The following CACNA2D3 variants were observed in gnomAD, a reference collection of about 807,000 sequenced individuals.
CACNA2D3 encodes calcium voltage-gated channel auxiliary subunit alpha2delta 3.
Under a neutral mutation model 160.6 loss-of-function variants are expected in CACNA2D3, and 60 were observed. The observed-to-expected ratio is 0.37, with a 90% confidence interval of 0.30 to 0.46. CACNA2D3 has a LOEUF of 0.46. CACNA2D3 is among the 20% of genes least tolerant of loss of function. The pLI, the probability that CACNA2D3 is intolerant of heterozygous loss-of-function variation, is 1.00. For missense variants in CACNA2D3, 1,205 were observed against 1,365.0 expected, an observed-to-expected ratio of 0.88 and a Z score of 1.85; for synonymous variants, 558 against 492.9, an observed-to-expected ratio of 1.13 and a Z score of -1.75.
intron 27 of CACNA2D3, among the ~76,000 whole-genome samples, chr3:54,957,600 T>C (rs1161008328): frequency 1.3e-5 from 2 of 152,076 alleles, no homozygotes. Context: ...GTCTGGTGTG[T>C]GTGTTAGGGA....
intron 2 of CACNA2D3, among the ~76,000 whole-genome samples, chr3:54,304,295 C>T (rs949799548): frequency 1.8e-4 from 28 of 152,280 alleles, no homozygotes; most frequent in South Asian, 1.7e-3. Flanking sequence ...TTATTGTCTT[C>T]ACTACACCCA....
At chr3:54,813,371 C>T (rs946616540) in intron 13 of CACNA2D3, among the ~76,000 whole-genome samples, 9 of 152,164 alleles carry the variant, frequency 5.9e-5, no homozygotes, top group African/African-American at 2.2e-4. Context: ...TCATCTGGAG[C>T]CTCATGATGA....
intron 3 of CACNA2D3, among the ~76,000 whole-genome samples, chr3:54,367,418 A>T (rs1698845320): frequency 6.6e-6 from 1 of 152,164 alleles, no homozygotes; most frequent in South Asian, 2.1e-4. Context: ...ACCGTATGGG[A>T]TGAGAGAAGA....
chr3:54,734,638 G>A (rs538549412), intron 11 of CACNA2D3, among the ~76,000 whole-genome samples: 1 of 152,190 alleles, frequency 6.6e-6, no homozygotes, highest in African/African-American at 2.4e-5. Flanking sequence ...TTGCAGATCG[G>A]TAGGAAATAA....
chr3:54,996,662 G>T (rs1048419169), intron 31 of CACNA2D3, among the ~76,000 whole-genome samples: 14 of 152,124 alleles, frequency 9.2e-5, no homozygotes, highest in African/African-American at 3.1e-4. Context: ...TATCCTTGAG[G>T]TTTGCAGGTG....
rs189738919 is a variant in CACNA2D3 at position 54,740,966 on chromosome 3, C to A, written c.1168-11633C>A. On this transcript the variant is annotated intron_variant, in intron 11 of 37. Transcript: ENST00000474759. The stretch of plus-strand genomic sequence containing the variant: ...AGGGTGGTACGAGAGGGGACACTGT[C>A]CAGAGGCATGCGGCTTCTTACTGTG... Among the ~76,000 whole-genome samples the A allele has an allele frequency of 3.5e-3, 536 of 152,298 alleles. 3 individuals carry two copies. Among genetic ancestry groups the A allele is most frequent in the Middle Eastern group, 6.8e-3 (2 of 294 alleles).
chr3:55,070,847 T>C (rs565118073), intron 35 of CACNA2D3, among the ~76,000 whole-genome samples: 29 of 152,348 alleles, frequency 1.9e-4, no homozygotes, highest in African/African-American at 5.5e-4. Flanking sequence ...TCATTTCTAA[T>C]TGGACTCTAC....
intron 11 of CACNA2D3, among the ~76,000 whole-genome samples, chr3:54,746,161 C>T (rs1225814453): frequency 6.6e-6 from 1 of 152,148 alleles, no homozygotes; most frequent in African/African-American, 2.4e-5. Context: ...GTAGAATTTT[C>T]ATGAAGATAA....
intron 11 of CACNA2D3, among the ~76,000 whole-genome samples, chr3:54,684,680 T>A (rs955101367): frequency 6.6e-6 from 1 of 151,300 alleles, no homozygotes; most frequent in Admixed American, 6.6e-5. Context: ...GGAGACACTC[T>A]GACCTTTCAC....
Position 54,500,504 on chromosome 3 carries a change from T to TCTTCCTTCCTTCCTATCTTCCTTC in CACNA2D3, c.382-2974_382-2973insATCTTCCTTCCTTCCTTCCTTCCT, listed in dbSNP as rs1559498619. The stretch of plus-strand genomic sequence containing the variant: ...TCCTTCCTATCTTCCTTCCTTCCTA[T>TCTTCCTTCCTTCCTATCTTCCTTC]CTTCCTTCCTTCCTTCCTTCCTTCC... On this transcript the variant is annotated intron_variant, in intron 4 of 37. Transcript: ENST00000474759. Among the ~76,000 whole-genome samples the TCTTCCTTCCTTCCTATCTTCCTTC allele has an allele frequency of 2.6e-3, 266 of 102,076 alleles. 1 individual carries two copies. Among genetic ancestry groups the TCTTCCTTCCTTCCTATCTTCCTTC allele is most frequent in the East Asian group, 0.019 (69 of 3,622 alleles). The allele number at this position is 102,076 out of a possible 152,430, so 67.0% of individuals were successfully genotyped here.
chr3:54,841,234 C>T lies in CACNA2D3; in HGVS notation c.1551+2586C>T, dbSNP rs1575505939. Among the ~76,000 whole-genome samples, 2 of 152,204 alleles carry T rather than the reference C, an allele frequency of 1.3e-5. 1 individual carries two copies. The highest frequency in any genetic ancestry group is 4.1e-4 in the South Asian group (2 of 4,832). Reference sequence around the variant, plus strand: ...ATTACATTCCCATGAAGTGGGGACCCTTCGGCCTCATTTTTACTTAAGGAT... The same window carrying T: ...ATTACATTCCCATGAAGTGGGGACCTTTCGGCCTCATTTTTACTTAAGGAT... On this transcript the variant is annotated intron_variant, in intron 16 of 37. Transcript: ENST00000474759.
rs1298906245 is a variant in CACNA2D3, at chr3:54,516,759, A to G, written c.544+13105A>G. Among the ~76,000 whole-genome samples the G allele has an allele frequency of 2.0e-5, 3 of 152,282 alleles. No individual in the cohort carries two copies. In the East Asian group the frequency reaches 5.8e-4, roughly 29 times the overall value. ...CAAGTCCCAGGCTGGATGTGGGGAA[A>G]TTGGATCAGAACTGACTTTCAGAGA... is the stretch of plus-strand genomic sequence containing the variant. On this transcript the variant is annotated intron_variant, in intron 5 of 37. Coordinates refer to ENST00000474759, the MANE Select transcript of CACNA2D3 (RefSeq NM_018398.3).
At chr3:54,964,897 C>T (rs1413002717) in intron 27 of CACNA2D3, among the ~76,000 whole-genome samples, 2 of 151,822 alleles carry the variant, frequency 1.3e-5, no homozygotes, top group Non-Finnish European at 2.9e-5. Context: ...TCCCGTTACT[C>T]TCGATCCCTT....
intron 13 of CACNA2D3, among the ~76,000 whole-genome samples, chr3:54,791,956 A>G (rs1304884224): frequency 6.6e-6 from 1 of 152,220 alleles, no homozygotes; most frequent in African/African-American, 2.4e-5. Flanking sequence ...TGTGATCTGT[A>G]AAGAATGCAA....
At chr3:54,755,564 A>G (rs751061661) in intron 12 of CACNA2D3, among the ~76,000 whole-genome samples, 13 of 152,136 alleles carry the variant, frequency 8.5e-5, no homozygotes, top group Non-Finnish European at 1.3e-4. Context: ...GGCTTGCTTC[A>G]CTAAAAGGTA....
At chr3:54,575,476 C>A (rs903413187) in intron 8 of CACNA2D3, among the ~76,000 whole-genome samples, 1 of 152,062 alleles carries the variant, frequency 6.6e-6, no homozygotes, top group African/African-American at 2.4e-5. Flanking sequence ...TGCAATTTTG[C>A]CTTTTTGTTT....
intron 2 of CACNA2D3, among the ~76,000 whole-genome samples, chr3:54,240,483 G>T (rs544278983): frequency 7.2e-5 from 11 of 152,278 alleles, no homozygotes; most frequent in African/African-American, 1.9e-4. Context: ...GATTTTCTTT[G>T]TGAGAGGCAC....
chr3:54,192,105 CTTTT>C (rs1168605044), intron 2 of CACNA2D3, among the ~76,000 whole-genome samples: 1 of 138,994 alleles, frequency 7.2e-6, no homozygotes, highest in Non-Finnish European at 1.6e-5. Flanking sequence ...GGATGCAGTG[CTTTT>C]TTTTTTTTTT....
chr3:54,265,937 A>C (rs1477413185), intron 2 of CACNA2D3, among the ~76,000 whole-genome samples: 2 of 152,178 alleles, frequency 1.3e-5, no homozygotes, highest in Non-Finnish European at 2.9e-5. Context: ...GAGGAAGGAA[A>C]ATTTTAAGAC....
Sources: allele counts gnomAD v4.1 joint callset (sites outside exome capture counted in the v4.1 genomes callset), GRCh38; gene constraint gnomAD v4.1.1; transcripts MANE v1.5; gene names NCBI Gene and HGNC (gene_info 2026-07-23, HGNC 2026-07-21).